Variants in PHF24 observed in about 807,000 individuals in gnomAD.
The protein encoded by PHF24 is PHD finger protein 24.
A neutral mutation model predicts 42.6 loss-of-function variants in PHF24; 25 were observed. The ratio of observed to expected loss-of-function variants is 0.59; its 90% CI spans 0.43 to 0.82. The LOEUF is 0.82. Among genes scored for constraint, PHF24 ranks in the 40% least tolerant of loss-of-function variants. PHF24 has a pLI of 0.00. For missense variants in PHF24, 470 were observed against 538.1 expected, an observed-to-expected ratio of 0.87 and a Z score of 1.25; for synonymous variants, 185 against 204.8, an observed-to-expected ratio of 0.90 and a Z score of 0.83.
At chr9:34,917,513 T>C in the PHF24 span, 1 of 773,792 alleles carries the variant, frequency 1.3e-6, no homozygotes, top group Non-Finnish European at 2.4e-6. Flanking sequence ...AGAGACCAAT[T>C]TGAGGCACAC....
chr9:34,766,974 C>T, the PHF24 span, among the ~76,000 whole-genome samples: 12 of 152,292 alleles, frequency 7.9e-5, no homozygotes, highest in African/African-American at 2.6e-4. Context: ...CACTCCAGAC[C>T]CTGTTTGCCT....
chr9:34,701,375 G>C, the PHF24 span, among the ~76,000 whole-genome samples: 42 of 152,300 alleles, frequency 2.8e-4, no homozygotes, highest in Non-Finnish European at 5.6e-4. This position sits in a 1 kb window ranked among gnomAD's most constrained non-coding sequence, Gnocchi z 5.8. Flanking sequence ...TGGGGCTCTG[G>C]GCGACCGGGG....
upstream of PHF24, among the ~76,000 whole-genome samples, chr9:34,954,273 C>T (rs999549334): frequency 2.0e-5 from 3 of 152,226 alleles, no homozygotes; most frequent in Non-Finnish European, 2.9e-5. Context: ...CACTAATGTA[C>T]GTACCACAAT....
chr9:34,881,828 T>C, the PHF24 span, among the ~76,000 whole-genome samples: 19 of 152,224 alleles, frequency 1.2e-4, no homozygotes, highest in African/African-American at 4.1e-4. Flanking sequence ...TTCCAATCAA[T>C]AGAAAAAGAG....
chr9:34,875,938 A>ACTCTCTCTCTCTCTCTCTCTCT, the PHF24 span, among the ~76,000 whole-genome samples: 2 of 88,542 alleles, frequency 2.3e-5, no homozygotes, highest in Non-Finnish European at 4.5e-5. Context: ...ACACACACAC[A>ACTCTCTCTCTCTCTCTCTCTCT]CACACACACA....
the PHF24 span, among the ~76,000 whole-genome samples, chr9:34,746,705 TA>T: frequency 6.6e-6 from 1 of 152,224 alleles, no homozygotes. Flanking sequence ...CCTTGCTCAA[TA>T]AAGCCAAAAT....
At chr9:34,838,637 C>G in the PHF24 span, 2 of 546,584 alleles carry the variant, frequency 3.7e-6, no homozygotes, top group Non-Finnish European at 6.6e-6. Flanking sequence ...TCACAAAGCC[C>G]TCCTGTTTCA....
the PHF24 span, among the ~76,000 whole-genome samples, chr9:34,715,962 A>G: frequency 1.0e-3 from 157 of 152,288 alleles, no homozygotes; most frequent in Non-Finnish European, 1.9e-3. Flanking sequence ...GGCAGGCAAG[A>G]GCCAGGGAGG....
chr9:34,945,460 AAAG>A, the PHF24 span, among the ~76,000 whole-genome samples: 1 of 152,208 alleles, frequency 6.6e-6, no homozygotes, highest in African/African-American at 2.4e-5. Context: ...AGACAGAAAG[AAAG>A]AAGGTTAGTG....
chr9:34,797,603 G>A, the PHF24 span, among the ~76,000 whole-genome samples: 1 of 152,062 alleles, frequency 6.6e-6, no homozygotes, highest in East Asian at 1.9e-4. Context: ...TCTCTGTCGT[G>A]TGCCCTTCTG....
the PHF24 span, among the ~76,000 whole-genome samples, chr9:34,739,627 G>A: frequency 6.6e-6 from 1 of 152,074 alleles, no homozygotes; most frequent in Non-Finnish European, 1.5e-5. Flanking sequence ...CAGTGGGTTC[G>A]TGGTCTCACT....
In PHF24 at chr9:34,958,572, G is replaced by C. The variant is rs1222722810; in HGVS notation, c.-5+171G>C. 6.6e-6 allele frequency among the ~76,000 whole-genome samples: 1 copy of C among 152,064 alleles called. No individual in the cohort carries two copies. The highest frequency in any genetic ancestry group is 1.5e-5 in the Non-Finnish European group (1 of 67,984). On this transcript the variant is annotated intron_variant, in intron 1 of 7. Transcript: ENST00000242315. This position sits in a 1 kb window ranked among gnomAD's most constrained non-coding sequence, Gnocchi z 4.5. Reference sequence around the variant, plus strand: ...GCTGCTGCCTCTACGCCTTGGGGGAGTCCCTGAGGTGCTGTGGGGAGCCGC... The same window carrying C: ...GCTGCTGCCTCTACGCCTTGGGGGACTCCCTGAGGTGCTGTGGGGAGCCGC...
At chr9:34,728,839 T>G in the PHF24 span, among the ~76,000 whole-genome samples, 1 of 152,370 alleles carries the variant, frequency 6.6e-6, no homozygotes, top group Non-Finnish European at 1.5e-5. Flanking sequence ...CTGCTTATTT[T>G]GGATTCACTT....
chr9:34,677,948 T>G, the PHF24 span, among the ~76,000 whole-genome samples: 2 of 152,182 alleles, frequency 1.3e-5, no homozygotes, highest in African/African-American at 4.8e-5. Flanking sequence ...TCAATTTGAT[T>G]GGATTGAAGG....
At chr9:34,936,587 C>T in the PHF24 span, among the ~76,000 whole-genome samples, 3 of 147,014 alleles carry the variant, frequency 2.0e-5, no homozygotes, top group East Asian at 2.2e-4. Context: ...AAGTGAGGAG[C>T]GTCTCTGCCC....
At chr9:34,739,712 G>A in the PHF24 span, among the ~76,000 whole-genome samples, 2 of 152,164 alleles carry the variant, frequency 1.3e-5, no homozygotes, top group African/African-American at 2.4e-5. Context: ...CAAAGAGTGA[G>A]CACCAGCAAG....
At chr9:34,907,290 C>T in the PHF24 span, among the ~76,000 whole-genome samples, 2 of 152,170 alleles carry the variant, frequency 1.3e-5, no homozygotes, top group African/African-American at 4.8e-5. Flanking sequence ...CTTACTGCCC[C>T]TCAAAGGAAT....
the PHF24 span, among the ~76,000 whole-genome samples, chr9:34,766,462 C>G: frequency 6.6e-6 from 1 of 152,198 alleles, no homozygotes; most frequent in Non-Finnish European, 1.5e-5. Context: ...CATCTTCCAT[C>G]ACTGATACCT....
chr9:34,898,549 A>G, the PHF24 span, among the ~76,000 whole-genome samples: 2 of 152,204 alleles, frequency 1.3e-5, no homozygotes, highest in African/African-American at 2.4e-5. Flanking sequence ...GAACTTGCAA[A>G]TTCCATAATA....
Sources: allele counts gnomAD v4.1 joint callset (sites outside exome capture counted in the v4.1 genomes callset), GRCh38; gene constraint gnomAD v4.1.1; non-coding constraint Gnocchi (gnomAD v3.1); transcripts MANE v1.5; gene names NCBI Gene and HGNC (gene_info 2026-07-23, HGNC 2026-07-21).